The following TBC1D22A variants were observed in gnomAD, a reference collection of about 807,000 sequenced individuals.
TBC1D22A encodes putative GTPase activator.
A neutral mutation model predicts 60.2 loss-of-function variants in TBC1D22A; 38 were observed. The ratio of observed to expected loss-of-function variants is 0.63; its 90% CI spans 0.49 to 0.83. TBC1D22A has a LOEUF of 0.83. TBC1D22A is among the 40% of genes least tolerant of loss of function. The pLI is 0.00. For synonymous variants in TBC1D22A, 302 were observed against 281.7 expected, an observed-to-expected ratio of 1.07 and a Z score of -0.72; for missense variants, 628 against 701.0, an observed-to-expected ratio of 0.90 and a Z score of 1.18.
At chr22:46,838,137 A>G (rs6008982) in intron 4 of TBC1D22A, among the ~76,000 whole-genome samples, 3,438 of 152,344 alleles carry the variant, frequency 0.023, 120 homozygotes, top group African/African-American at 0.077. Flanking sequence ...ACGAAGTTCA[A>G]AGTTAGCAGG....
chr22:47,024,984 A>G (rs1045673505), intron 10 of TBC1D22A, among the ~76,000 whole-genome samples: 7 of 152,262 alleles, frequency 4.6e-5, no homozygotes, highest in Non-Finnish European at 1.0e-4. Context: ...AATGGCAAAC[A>G]GTAGATTTCA....
At chr22:47,078,902 C>T (rs1012015359) in intron 11 of TBC1D22A, among the ~76,000 whole-genome samples, 1 of 152,112 alleles carries the variant, frequency 6.6e-6, no homozygotes, top group Non-Finnish European at 1.5e-5. Context: ...TGGAAAGGCT[C>T]ACAGAAGGAC....
At chr22:47,121,082 G>A (rs1334312248) in intron 12 of TBC1D22A, among the ~76,000 whole-genome samples, 2 of 152,240 alleles carry the variant, frequency 1.3e-5, no homozygotes, top group African/African-American at 2.4e-5. Flanking sequence ...CATAGAAAAT[G>A]GATGAGGACA....
chr22:46,822,715 C>T (rs1285766913), intron 4 of TBC1D22A, among the ~76,000 whole-genome samples: 1 of 152,158 alleles, frequency 6.6e-6, no homozygotes, highest in Non-Finnish European at 1.5e-5. Flanking sequence ...GAGGGTCCCA[C>T]CCAGTTGGGT....
intron 4 of TBC1D22A, among the ~76,000 whole-genome samples, chr22:46,826,490 A>G (rs978245457): frequency 3.3e-5 from 5 of 152,052 alleles, no homozygotes; most frequent in Non-Finnish European, 7.4e-5. Flanking sequence ...CTTATGGGCC[A>G]TCTGTGTTTC....
chr22:46,845,378 A>G (rs1325593069), intron 4 of TBC1D22A, among the ~76,000 whole-genome samples: 1 of 152,190 alleles, frequency 6.6e-6, no homozygotes, highest in East Asian at 1.9e-4. Flanking sequence ...TTGGTTGGAA[A>G]ATTTTTAATG....
At chr22:46,951,886 G>A (rs1313821241) in intron 8 of TBC1D22A, among the ~76,000 whole-genome samples, 2 of 152,230 alleles carry the variant, frequency 1.3e-5, no homozygotes, top group African/African-American at 2.4e-5. Flanking sequence ...TGCATGAGGG[G>A]AGACGAGGAA....
chr22:46,919,287 C>T (rs2070588748), intron 8 of TBC1D22A, among the ~76,000 whole-genome samples: 1 of 152,168 alleles, frequency 6.6e-6, no homozygotes, highest in African/African-American at 2.4e-5. Context: ...TGGCTTCTTC[C>T]ACTTGGCATC....
At chr22:46,918,128 T>C (rs1424449809) in intron 8 of TBC1D22A, among the ~76,000 whole-genome samples, 1 of 152,288 alleles carries the variant, frequency 6.6e-6, no homozygotes, top group East Asian at 1.9e-4. Flanking sequence ...TAGAACCAGG[T>C]ATGGAACGCA....
chr22:47,092,762 G>A (rs762826571), intron 11 of TBC1D22A, among the ~76,000 whole-genome samples: 3 of 152,212 alleles, frequency 2.0e-5, no homozygotes, highest in Non-Finnish European at 2.9e-5. Context: ...AGGCTTTGAC[G>A]TATTAACTGG....
At chr22:46,997,420 A>G (rs375035913) in intron 9 of TBC1D22A, among the ~76,000 whole-genome samples, 5 of 152,232 alleles carry the variant, frequency 3.3e-5, no homozygotes, top group African/African-American at 7.2e-5. Flanking sequence ...ATCACCTGAC[A>G]TCGGGAAATA....
chr22:47,109,767 G>C (rs5766678), intron 11 of TBC1D22A, among the ~76,000 whole-genome samples: 67,453 of 151,664 alleles, frequency 0.44, 16,183 homozygotes, highest in African/African-American at 0.63. Flanking sequence ...CCCCAGATCT[G>C]TCATACGCGT....
At position 47,111,558 on chromosome 22, in the gene TBC1D22A, T is replaced by A. The variant is rs2065847584; in HGVS notation, c.1380T>A (p.Phe460Leu). Reference protein sequence around the residue: ...SHFHLYVCAAFLVRWRKEILE... With the variant: ...SHFHLYVCAALLVRWRKEILE... ...TCCACTTGTACGTGTGCGCTGCTTT[T>A]CTCGTGAGATGGAGGAAGGAAATAC... The change falls in exon 12 of 13, where the codon TTT becomes TTA. Residue 460 changes from phenylalanine (F) to leucine (L), a missense_variant. Coordinates refer to ENST00000337137, the MANE Select transcript of TBC1D22A (RefSeq NM_014346.5). 6.2e-7 allele frequency: 1 copy of A among 1,614,232 alleles called. No homozygotes were observed. Among genetic ancestry groups the A allele is most frequent in the Non-Finnish European group, 8.5e-7 (1 of 1,180,042 alleles).
At chr22:46,882,656 G>C (rs149848727) in intron 5 of TBC1D22A, among the ~76,000 whole-genome samples, 313 of 152,322 alleles carry the variant, frequency 2.1e-3, no homozygotes, top group Non-Finnish European at 3.6e-3. Flanking sequence ...GGAGGGTTCG[G>C]GTGAGCAGGG....
At chr22:47,096,691 G>A (rs542247691) in intron 11 of TBC1D22A, among the ~76,000 whole-genome samples, 15 of 152,176 alleles carry the variant, frequency 9.9e-5, no homozygotes, top group East Asian at 1.9e-4. Flanking sequence ...GTGTAGTGGC[G>A]CATGCCTGTA....
chr22:47,016,807 G>A (rs1408029953), intron 10 of TBC1D22A, among the ~76,000 whole-genome samples: 1 of 152,212 alleles, frequency 6.6e-6, no homozygotes, highest in Non-Finnish European at 1.5e-5. Context: ...GCCTGCCTGG[G>A]TGGCATGCGG....
chr22:46,886,853 A>G (rs2068145073), intron 5 of TBC1D22A, among the ~76,000 whole-genome samples: 1 of 152,232 alleles, frequency 6.6e-6, no homozygotes, highest in Non-Finnish European at 1.5e-5. Context: ...AGCCACACAC[A>G]GTACATAAAC....
intron 11 of TBC1D22A, among the ~76,000 whole-genome samples, chr22:47,051,798 TC>T (rs1388765491): frequency 2.0e-5 from 3 of 152,220 alleles, no homozygotes; most frequent in Admixed American, 2.0e-4. Context: ...CCCGCTGTGT[TC>T]TGTCATGAGT....
chr22:47,062,138 C>T (rs893742623), intron 11 of TBC1D22A, among the ~76,000 whole-genome samples: 9 of 150,856 alleles, frequency 6.0e-5, no homozygotes, highest in African/African-American at 1.5e-4. Flanking sequence ...TCCTCCGCCC[C>T]CTTTGTTGCT....
Sources: gnomAD v4.1 joint callset for allele counts (sites outside exome capture counted in the v4.1 genomes callset) on GRCh38, gnomAD v4.1.1 for gene constraint, MANE v1.5 for transcripts, NCBI Gene and HGNC (gene_info 2026-07-23, HGNC 2026-07-21) for gene names.